Variants in BBX observed in about 807,000 individuals in gnomAD.
BBX encodes the protein BBX high mobility group box domain containing.
In BBX, 30 loss-of-function variants were observed where a neutral mutation model predicts 100.2. That is an observed-to-expected ratio of 0.30 (90% CI 0.22 to 0.41). The LOEUF (loss-of-function observed/expected upper bound fraction) is 0.41. Among genes scored for constraint, BBX ranks in the 10% least tolerant of loss-of-function variants. BBX has a pLI of 1.00. For missense variants in BBX, 1,023 were observed against 1,129.8 expected, an observed-to-expected ratio of 0.91 and a Z score of 1.35; for synonymous variants, 376 against 388.1, an observed-to-expected ratio of 0.97 and a Z score of 0.37.
intron 2 of BBX, among the ~76,000 whole-genome samples, chr3:107,592,735 T>C (rs2053419673): frequency 1.3e-5 from 2 of 152,186 alleles, no homozygotes; most frequent in Non-Finnish European, 2.9e-5. Context: ...ATTCATCAAA[T>C]AGTAATTGAA....
At chr3:107,625,476 GT>G (rs1204332016) in intron 2 of BBX, among the ~76,000 whole-genome samples, 2 of 152,138 alleles carry the variant, frequency 1.3e-5, no homozygotes, top group Non-Finnish European at 2.9e-5. Flanking sequence ...TAGAGACGGA[GT>G]TTTGCCATGT....
rs779919519 is a variant in BBX, at chr3:107,655,445, CAAG to C, written c.-10+9537_-10+9539del. ...AAAGACTATAATTATTTGAACAAAA[CAAG>C]GAGATATCGTATGATTCTTAATGAG... On this transcript the variant is annotated intron_variant, in intron 3 of 17. Transcript: ENST00000325805. Among the ~76,000 whole-genome samples the C allele has an allele frequency of 2.0e-4, 30 of 149,176 alleles. No individual in the cohort carries two copies. In the East Asian group the frequency reaches 2.7e-3, roughly 14 times the overall value.
Position 107,773,745 on chromosome 3 carries a change from C to T in BBX, c.1915+109C>T. Reference sequence around the variant, plus strand: ...AAAACAATATGGTATCAAAATAATACCTTACATTTGTATATTTCTTTATGG... The same window carrying T: ...AAAACAATATGGTATCAAAATAATATCTTACATTTGTATATTTCTTTATGG... On this transcript the variant is annotated intron_variant, in intron 11 of 17. Transcript: ENST00000325805. The surrounding 1 kb of genome is among the most constrained non-coding windows in gnomAD (Gnocchi z 4.1). 3 of 948,728 alleles carry T rather than the reference C, an allele frequency of 3.2e-6. No individual in the cohort carries two copies. The highest frequency in any genetic ancestry group is 1.9e-5 in the South Asian group (1 of 53,160). The allele number at this position is 948,728 out of a possible 1,614,324, so 58.8% of individuals were successfully genotyped here.
At chr3:107,661,989 T>C in intron 3 of BBX, 2 of 791,582 alleles carry the variant, frequency 2.5e-6, no homozygotes, top group South Asian at 5.8e-5. Flanking sequence ...TCACGCAGCA[T>C]AGTTGGTGGT....
At chr3:107,677,949 A>G (rs1002433702) in intron 3 of BBX, among the ~76,000 whole-genome samples, 1 of 152,170 alleles carries the variant, frequency 6.6e-6, no homozygotes, top group African/African-American at 2.4e-5. Context: ...AAAGCTAGAA[A>G]ATAGAATTAC....
chr3:107,771,365 A>G (rs776982494), intron 10 of BBX, among the ~76,000 whole-genome samples: 8 of 151,574 alleles, frequency 5.3e-5, no homozygotes, highest in Non-Finnish European at 1.2e-4. Flanking sequence ...CAGAGAGGAA[A>G]ATGGCAACTT....
intron 2 of BBX, among the ~76,000 whole-genome samples, chr3:107,568,655 C>T (rs1278645902): frequency 6.6e-6 from 1 of 152,122 alleles, no homozygotes; most frequent in East Asian, 1.9e-4. Flanking sequence ...TCCTCTATGT[C>T]TCCTAACTTT....
intron 3 of BBX, among the ~76,000 whole-genome samples, chr3:107,666,036 A>G (rs1257198272): frequency 6.6e-6 from 1 of 152,106 alleles, no homozygotes; most frequent in Non-Finnish European, 1.5e-5. Context: ...TTGCTAAACC[A>G]CTTTCAAGGA....
intron 10 of BBX, among the ~76,000 whole-genome samples, chr3:107,767,079 C>T (rs2066454129): frequency 6.6e-6 from 1 of 152,186 alleles, no homozygotes; most frequent in South Asian, 2.1e-4. Context: ...GGAGGGAGAG[C>T]ATTAGGACAA....
chr3:107,790,452 G>C (rs899045471), intron 14 of BBX, among the ~76,000 whole-genome samples: 1 of 152,152 alleles, frequency 6.6e-6, no homozygotes, highest in Non-Finnish European at 1.5e-5. Flanking sequence ...GGGCAGTAGA[G>C]ACTGATTGTA....
At chr3:107,747,654 CT>C (rs537583023) in intron 8 of BBX, among the ~76,000 whole-genome samples, 2,997 of 142,784 alleles carry the variant, frequency 0.021, 31 homozygotes, top group Non-Finnish European at 0.032. Flanking sequence ...ACATTTTTTC[CT>C]TTTTTTTTTT....
rs979094095 is a variant in BBX, at chr3:107,778,178, C to T, written c.2055-193C>T. On this transcript the variant is annotated intron_variant, in intron 12 of 17. Coordinates refer to ENST00000325805, the MANE Select transcript of BBX (RefSeq NM_001142568.3). Reference sequence around the variant, plus strand: ...TAAGGTAATAACATAACCTGTCATACGAGTTTACTAAGAAAACTGTGTTGG... The same window carrying T: ...TAAGGTAATAACATAACCTGTCATATGAGTTTACTAAGAAAACTGTGTTGG... 5.3e-5 allele frequency among the ~76,000 whole-genome samples: 8 copies of T among 152,188 alleles called. No homozygotes were observed. In the East Asian group the frequency reaches 5.8e-4, roughly 11 times the overall value.
At chr3:107,802,465 A>G (rs1424828752) in intron 17 of BBX, among the ~76,000 whole-genome samples, 1 of 152,246 alleles carries the variant, frequency 6.6e-6, no homozygotes, top group African/African-American at 2.4e-5. Flanking sequence ...GACAATGCAC[A>G]GATACTTCTC....
chr3:107,692,285 G>A (rs1008777567), intron 3 of BBX, among the ~76,000 whole-genome samples: 1 of 151,650 alleles, frequency 6.6e-6, no homozygotes, highest in Non-Finnish European at 1.5e-5. Context: ...ATGCTGGTGC[G>A]CTGCACCTAC....
intron 9 of BBX, among the ~76,000 whole-genome samples, chr3:107,752,212 T>A (rs36018692): frequency 0.4 from 61,060 of 152,012 alleles, 13,173 homozygotes; most frequent in East Asian, 0.92. Flanking sequence ...ATAACTATAA[T>A]CTCACCAAAA....
intron 3 of BBX, among the ~76,000 whole-genome samples, chr3:107,671,455 A>G (rs181758504): frequency 3.9e-5 from 6 of 152,144 alleles, no homozygotes; most frequent in Admixed American, 2.6e-4. Context: ...CTCAGAGGAA[A>G]ACATTGAGTC....
Position 107,644,494 on chromosome 3 carries a change from A to G in BBX, c.-83-1342A>G, listed in dbSNP as rs574017725. ...ACTTTCATAGATGTATATGAAAAGTATGTGAATGTGATAGTATTATGAGAT... is the reference window on the plus strand; with the variant it reads ...ACTTTCATAGATGTATATGAAAAGTGTGTGAATGTGATAGTATTATGAGAT... On this transcript the variant is annotated intron_variant, in intron 2 of 17. Coordinates refer to ENST00000325805, the MANE Select transcript of BBX (RefSeq NM_001142568.3). 1.1e-4 allele frequency among the ~76,000 whole-genome samples: 16 copies of G among 152,342 alleles called. 1 individual carries two copies. In the South Asian group the frequency reaches 3.3e-3, roughly 32 times the overall value.
At chr3:107,659,502 A>ATACCTATCAAAATATAACCCAT (rs2058331652) in intron 3 of BBX, 2 of 208,054 alleles carry the variant, frequency 9.6e-6, no homozygotes, top group Admixed American at 5.9e-5. Context: ...TGTAACCCAA[A>ATACCTATCAAAATATAACCCAT]TACCTATCAA....
intron 3 of BBX, among the ~76,000 whole-genome samples, chr3:107,683,909 T>C (rs1048447097): frequency 6.6e-6 from 1 of 152,206 alleles, no homozygotes; most frequent in African/African-American, 2.4e-5. Flanking sequence ...CTTTATTTTT[T>C]CTTACCCAGA....
Sources: allele counts gnomAD v4.1 joint callset (sites outside exome capture counted in the v4.1 genomes callset), GRCh38; gene constraint gnomAD v4.1.1; non-coding constraint Gnocchi (gnomAD v3.1); transcripts MANE v1.5; gene names NCBI Gene and HGNC (gene_info 2026-07-23, HGNC 2026-07-21).